Variants in STK38L observed in about 807,000 individuals in gnomAD.
The protein encoded by STK38L is serine/threonine-protein kinase 38-like.
STK38L carries 28 observed loss-of-function variants against 59.7 expected under a neutral mutation model. That is an observed-to-expected ratio of 0.47 (90% CI 0.35 to 0.64). The LOEUF (loss-of-function observed/expected upper bound fraction) is 0.64, where lower values mean the gene tolerates loss of function less well. STK38L is among the 30% of genes least tolerant of loss of function. The probability of loss-of-function intolerance (pLI) is 0.01; values close to 1 mark genes in which losing one functional copy is unlikely to be tolerated. For missense variants in STK38L, 314 were observed against 555.8 expected (o/e 0.56, Z 4.37); for synonymous variants, 162 against 176.8 (o/e 0.92, Z 0.66).
At chr12:27,249,346 A>G (rs1942923379) in intron 1 of STK38L, among the ~76,000 whole-genome samples, 1 of 150,348 alleles carries the variant, frequency 6.7e-6, no homozygotes, top group African/African-American at 2.5e-5. Context: ...TTATTTATTT[A>G]TTTATTTTTG....
intron 13 of STK38L, 21 bp downstream of exon 13, chr12:27,322,255 A>G (rs764007976): frequency 5.0e-6 from 8 of 1,613,508 alleles, no homozygotes; most frequent in Middle Eastern, 1.7e-4. Context: ...CTGTAATGTA[A>G]CTAACCCTAT....
At chr12:27,285,819 C>G (rs2136629843) in intron 1 of STK38L, among the ~76,000 whole-genome samples, 1 of 152,324 alleles carries the variant, frequency 6.6e-6, no homozygotes, top group African/African-American at 2.4e-5. Context: ...TTTTGTCTCT[C>G]TCTTCTTTGT....
At chr12:27,287,329 C>G (rs1005277382) in intron 1 of STK38L, among the ~76,000 whole-genome samples, 13 of 152,050 alleles carry the variant, frequency 8.5e-5, no homozygotes, top group African/African-American at 3.1e-4. Flanking sequence ...AGGCTGGTCT[C>G]AAACTCCTGA....
intron 1 of STK38L, among the ~76,000 whole-genome samples, chr12:27,279,452 T>C (rs4963688): frequency 0.78 from 119,109 of 152,012 alleles, 46,881 homozygotes; most frequent in Non-Finnish European, 0.83. Context: ...AGGCTGGGCT[T>C]GGTGGCTCAC....
chr12:27,317,553 T>C, intron 10 of STK38L, 100 bp downstream of exon 10: 1 of 1,011,770 alleles, frequency 9.9e-7, no homozygotes, highest in Non-Finnish European at 1.5e-6. Flanking sequence ...ATTTGAAGTC[T>C]TTTAAGCTTA....
At chr12:27,315,229 T>C in intron 8 of STK38L, 60 bp from the exon 9 acceptor site, 1 of 1,594,294 alleles carries the variant, frequency 6.3e-7, no homozygotes, top group Non-Finnish European at 8.6e-7. Flanking sequence ...TGTATATGTA[T>C]TTTCTTTTTG....
chr12:27,309,147 A>G lies in STK38L; in HGVS notation c.343A>G (p.Ile115Val), dbSNP rs760873616. Residue 115 changes from isoleucine (I) to valine (V), a missense_variant, in exon 5 of 14, where the codon ATC becomes GTC. Ile to Val is a conservative substitution (Grantham distance 29). This residue lies in a region of STK38L where 192 missense variants were observed against 316.9 expected (regional missense o/e 0.61). Transcript: ENST00000389032. ...RLVQKKDTGH[I>V]YAMKILRKSD... ...GGTCCAGAAGAAAGATACAGGCCAT[A>G]TCTATGCAATGAAGATATTGAGAAA... The G allele has an allele frequency of 1.2e-6, 2 of 1,604,246 alleles. No homozygotes were observed. The highest frequency in any genetic ancestry group is 1.7e-6 in the Non-Finnish European group (2 of 1,175,552).
At position 27,251,709 on chromosome 12, in the gene STK38L, A is replaced by G. The variant is rs1259439921; in HGVS notation, c.-12+7377A>G. Reference sequence around the variant, plus strand: ...TTAAGCCAATTAGGAGTGGGTAAATATCATTATAGCATGGCATTTTCTAAA... The same window carrying G: ...TTAAGCCAATTAGGAGTGGGTAAATGTCATTATAGCATGGCATTTTCTAAA... On this transcript the variant is annotated intron_variant, in intron 1 of 13. Coordinates refer to ENST00000389032, the MANE Select transcript of STK38L (RefSeq NM_015000.4). Among the ~76,000 whole-genome samples the G allele has an allele frequency of 3.3e-5, 5 of 152,350 alleles. No homozygotes were observed. In the East Asian group the frequency reaches 9.6e-4, roughly 29 times the overall value.
chr12:27,257,671 G>T (rs886668453), intron 1 of STK38L, among the ~76,000 whole-genome samples: 4 of 151,966 alleles, frequency 2.6e-5, no homozygotes, highest in Non-Finnish European at 5.9e-5. Context: ...CATTTATTTT[G>T]CCCTTTGTAT....
chr12:27,319,300 T>TA, intron 11 of STK38L, 28 bp from the exon 12 acceptor site: 3 of 1,464,932 alleles, frequency 2.0e-6, no homozygotes, highest in Non-Finnish European at 2.9e-6. Context: ...AACTTGTGTA[T>TA]GATAATTTCT....
chr12:27,312,466 TATGG>T, intron 5 of STK38L, 79 bp from the exon 6 acceptor site: 1 of 1,447,976 alleles, frequency 6.9e-7, no homozygotes, highest in South Asian at 1.3e-5. Context: ...CATTAACTGT[TATGG>T]ATGGATAAGT....
In STK38L at chr12:27,309,127, A is replaced by G; in HGVS notation, c.323A>G (p.Gln108Arg). 1 of 1,596,992 alleles carries G rather than the reference A, an allele frequency of 6.3e-7. No individual in the cohort carries two copies. The highest frequency in any genetic ancestry group is 8.5e-7 in the Non-Finnish European group (1 of 1,172,276). The part of the protein sequence containing the change: ...RGAFGEVRLV[Q>R]KKDTGHIYAM... ...TTTATCTTTTAGGTGCGGTTGGTCC[A>G]GAAGAAAGATACAGGCCATATCTAT... The change falls in exon 5 of 14, where the codon CAG becomes CGG. Residue 108 changes from glutamine to arginine, a missense_variant. Around this residue, in one of 3 missense-constraint regions of STK38L, gnomAD observed 192 missense variants for 316.9 expected, o/e 0.61. Coordinates refer to ENST00000389032, the MANE Select transcript of STK38L (RefSeq NM_015000.4).
chr12:27,250,529 T>G (rs2136600495), intron 1 of STK38L, among the ~76,000 whole-genome samples: 1 of 152,314 alleles, frequency 6.6e-6, no homozygotes, highest in South Asian at 2.1e-4. Context: ...CAGTAACCAC[T>G]TATCCCTTAC....
At chr12:27,253,580 A>AG (rs1482269206) in intron 1 of STK38L, among the ~76,000 whole-genome samples, 2 of 152,168 alleles carry the variant, frequency 1.3e-5, no homozygotes, top group Non-Finnish European at 2.9e-5. Context: ...CTACATTCAC[A>AG]GGGGTAGAAA....
chr12:27,306,195 T>A (rs182806405), intron 3 of STK38L, among the ~76,000 whole-genome samples: 4 of 152,332 alleles, frequency 2.6e-5, no homozygotes, highest in Non-Finnish European at 5.9e-5. Flanking sequence ...TGCTGCATTA[T>A]ACAAACTACT....
Position 27,318,108 on chromosome 12 carries a change from G to A in STK38L, c.1079+89G>A, listed in dbSNP as rs141742235. 2.7e-4 allele frequency: 395 copies of A among 1,480,232 alleles called. 3 individuals carry two copies. In the East Asian group the frequency reaches 8.9e-3, roughly 34 times the overall value. The allele number at this position is 1,480,232 out of a possible 1,614,324, so 91.7% of individuals were successfully genotyped here. A position where few individuals can be genotyped will look rare whatever the true frequency, so the allele number is the denominator to read the frequency against. On this transcript the variant is annotated intron_variant, in intron 11 of 13. Transcript: ENST00000389032. ...TCATTTCACTTTTGTGGGGGAAGAG[G>A]GGATACCACTGATGTATACAGTCAA...
chr12:27,291,588 G>A (rs1343030484), intron 1 of STK38L, among the ~76,000 whole-genome samples: 2 of 152,214 alleles, frequency 1.3e-5, no homozygotes, highest in African/African-American at 4.8e-5. Flanking sequence ...AAAACAATTA[G>A]TGAAAGTTAA....
chr12:27,264,482 A>G (rs1943262109), intron 1 of STK38L, among the ~76,000 whole-genome samples: 1 of 152,172 alleles, frequency 6.6e-6, no homozygotes, highest in Non-Finnish European at 1.5e-5. Flanking sequence ...AGCTGTGGGG[A>G]AAAAGTTATG....
chr12:27,277,583 G>T (rs1222921084), intron 1 of STK38L, among the ~76,000 whole-genome samples: 2 of 152,044 alleles, frequency 1.3e-5, no homozygotes, highest in African/African-American at 4.8e-5. Flanking sequence ...ATGTTTTCTG[G>T]AATGACAAAT....
Sources: gnomAD v4.1 joint callset for allele counts (sites outside exome capture counted in the v4.1 genomes callset) on GRCh38, gnomAD v4.1.1 for gene constraint, gnomAD v4.1.1 regional missense constraint, MANE v1.5 for transcripts, NCBI Gene and HGNC (gene_info 2026-07-23, HGNC 2026-07-21) for gene names.